The following ZMAT1 variants were observed in gnomAD, a reference collection of about 807,000 sequenced individuals.
ZMAT1 encodes the protein zinc finger matrin-type 1, also known as zinc finger matrin-type protein 1.
Under a neutral mutation model 18.5 loss-of-function variants are expected in ZMAT1, and 11 were observed. The ratio of observed to expected loss-of-function variants is 0.59; its 90% CI spans 0.37 to 0.98. ZMAT1 has a LOEUF of 0.98. Ranked by LOEUF, ZMAT1 falls within the 50% of genes least tolerant of loss-of-function variation. ZMAT1 has a pLI of 0.01. For synonymous variants in ZMAT1, 211 were observed against 176.4 expected, an observed-to-expected ratio of 1.20 and a Z score of -1.55; for missense variants, 525 against 496.2, an observed-to-expected ratio of 1.06 and a Z score of -0.55.
chrX:101,892,700 C>T (rs1294821467), intron 4 of ZMAT1: 22 of 740,222 alleles, frequency 3.0e-5, no homozygotes, highest in Non-Finnish European at 3.5e-5. Context: ...AAAATACATA[C>T]ATACTTTAGT....
Position 101,904,336 on chromosome X carries a change from A to C in ZMAT1, c.293-6T>G. The C allele has an allele frequency of 8.6e-7, 1 of 1,160,853 alleles. No homozygotes were observed. Among genetic ancestry groups the C allele is most frequent in the African/African-American group, 1.8e-5 (1 of 56,240 alleles). ...CTGTTCATTCCAAATGGCGTCTGTG[A>C]ATAAAAAAGGGAAGACAAATATATC... On this transcript the variant is annotated splice_polypyrimidine_tract_variant and splice_region_variant and intron_variant, in intron 1 of 5. Transcript: ENST00000651725.
intron 4 of ZMAT1, among the ~76,000 whole-genome samples, chrX:101,895,189 C>T (rs1174765572): frequency 9.0e-6 from 1 of 111,709 alleles, no homozygotes; most frequent in Non-Finnish European, 1.9e-5. Context: ...AGTTTACACG[C>T]TCGCTCCTTT....
At position 101,913,043 on chromosome X, in the gene ZMAT1, G is replaced by A. The variant is rs765158387; in HGVS notation, c.293-8713C>T. ...TAGAAAAAAAAAGTGGGGGGATGAA[G>A]TTAAGGTGAGTTTTTATTAGTTTTC... On this transcript the variant is annotated intron_variant, in intron 1 of 5. Coordinates refer to ENST00000651725, the MANE Select transcript of ZMAT1 (RefSeq NM_001394560.1). Among the ~76,000 whole-genome samples the A allele has an allele frequency of 9.8e-5, 11 of 111,863 alleles. No individual in the cohort carries two copies. The East Asian group carries it at 3.1e-3, about 31-fold the overall frequency.
chrX:101,924,215 G>A (rs1180302616), intron 1 of ZMAT1, among the ~76,000 whole-genome samples: 1 of 111,357 alleles, frequency 9.0e-6, no homozygotes, highest in Non-Finnish European at 1.9e-5. Flanking sequence ...GAGTTCAAGT[G>A]ATTCTCCTGC....
At chrX:101,920,848 G>A (rs1224828450) in intron 1 of ZMAT1, among the ~76,000 whole-genome samples, 1 of 111,365 alleles carries the variant, frequency 9.0e-6, no homozygotes, top group Non-Finnish European at 1.9e-5. Flanking sequence ...ATCCATAAGT[G>A]ATTCTTATGA....
At chrX:101,896,193 G>C (rs1927788880) in intron 4 of ZMAT1, among the ~76,000 whole-genome samples, 1 of 111,895 alleles carries the variant, frequency 8.9e-6, no homozygotes, top group African/African-American at 3.2e-5. Flanking sequence ...TTTAAAATTA[G>C]TGAGGATAAA....
intron 1 of ZMAT1, among the ~76,000 whole-genome samples, chrX:101,915,868 T>G (rs1020669871): frequency 1.7e-4 from 19 of 112,241 alleles, no homozygotes; most frequent in African/African-American, 6.2e-4. Flanking sequence ...AAATACCATT[T>G]GACCCAGAAA....
chrX:101,912,266 C>T (rs758481604), intron 1 of ZMAT1, among the ~76,000 whole-genome samples: 54 of 111,993 alleles, frequency 4.8e-4, no homozygotes, highest in Admixed American at 1.9e-4. Flanking sequence ...TCTAGGTCAT[C>T]CATCCCTGCA....
At chrX:101,892,635 G>A in intron 4 of ZMAT1, 1 of 410,406 alleles carries the variant, frequency 2.4e-6, no homozygotes, top group Non-Finnish European at 3.1e-6. Flanking sequence ...AGGCATCTGA[G>A]TGCAATAATG....
chrX:101,931,702 G>C lies in ZMAT1; in HGVS notation c.292+15C>G. ...GGAGATGGGGCCGCCCCCGCACCCC[G>C]GGACGGGAACTCACCTTCTCTGAGG... On this transcript the variant is annotated intron_variant, in intron 1 of 5. Transcript: ENST00000651725. The C allele has an allele frequency of 9.2e-6, 7 of 758,415 alleles. No homozygotes were observed. Among genetic ancestry groups the C allele is most frequent in the Non-Finnish European group, 9.4e-6 (6 of 641,604 alleles). The allele number at this position is 758,415 out of a possible 1,213,427, so 62.5% of individuals were successfully genotyped here.
chrX:101,892,801 A>C, intron 4 of ZMAT1: 6 of 643,348 alleles, frequency 9.3e-6, no homozygotes, highest in Non-Finnish European at 1.1e-5. Context: ...GAAGAAAAAG[A>C]GAAAGATTAG....
chrX:101,917,342 A>G (rs1308210670), intron 1 of ZMAT1, among the ~76,000 whole-genome samples: 3 of 112,609 alleles, frequency 2.7e-5, no homozygotes. Flanking sequence ...CTCCAATGGA[A>G]AAAAATCTAA....
chrX:101,919,717 A>G (rs1033953832), intron 1 of ZMAT1, among the ~76,000 whole-genome samples: 1 of 111,947 alleles, frequency 8.9e-6, no homozygotes, highest in Non-Finnish European at 1.9e-5. Flanking sequence ...TTTAAAAGAT[A>G]TGTAAAATTC....
chrX:101,900,707 TTATAG>T (rs1230897273), intron 2 of ZMAT1, among the ~76,000 whole-genome samples: 1 of 112,284 alleles, frequency 8.9e-6, no homozygotes, highest in Admixed American at 9.4e-5. Context: ...GACTATGGCC[TTATAG>T]TATAGTTTGA....
At chrX:101,922,068 A>C (rs953793950) in intron 1 of ZMAT1, among the ~76,000 whole-genome samples, 7 of 111,490 alleles carry the variant, frequency 6.3e-5, no homozygotes, top group African/African-American at 2.0e-4. Flanking sequence ...TTAGAGTCAA[A>C]CAACCATTTC....
chrX:101,909,373 T>C (rs1928811087), intron 1 of ZMAT1, among the ~76,000 whole-genome samples: 1 of 110,928 alleles, frequency 9.0e-6, no homozygotes, highest in South Asian at 3.8e-4. Context: ...AAACTCCTTC[T>C]CCTTTAGAAA....
rs373867369 is a variant in ZMAT1, at chrX:101,905,357, C to T, written c.293-1027G>A. ...CATGCCAAAACTTTCTGCATTTACA[C>T]TTGAGGTCTATAGTGTCATCTAAAA... On this transcript the variant is annotated intron_variant, in intron 1 of 5. Transcript: ENST00000651725. 2.7e-4 allele frequency among the ~76,000 whole-genome samples: 30 copies of T among 112,486 alleles called. 3 individuals are homozygous for T. The highest frequency in any genetic ancestry group is 2.2e-3 in the East Asian group (8 of 3,592).
intron 1 of ZMAT1, among the ~76,000 whole-genome samples, chrX:101,930,299 A>G (rs1930398178): frequency 8.9e-6 from 1 of 112,283 alleles, no homozygotes. Flanking sequence ...ATAAATTTTT[A>G]AAATCCAGAT....
intron 1 of ZMAT1, among the ~76,000 whole-genome samples, chrX:101,928,348 G>A (rs777951178): frequency 1.8e-5 from 2 of 112,109 alleles, no homozygotes; most frequent in East Asian, 5.6e-4. Context: ...TTACCCACTA[G>A]ATTTTCTTTT....
Sources: gnomAD v4.1 joint callset for allele counts (sites outside exome capture counted in the v4.1 genomes callset) on GRCh38, gnomAD v4.1.1 for gene constraint, MANE v1.5 for transcripts, NCBI Gene and HGNC (gene_info 2026-07-23, HGNC 2026-07-21) for gene names.